ST6GALNAC3: variants seen among roughly 807,000 people sequenced by gnomAD.
ST6GALNAC3 encodes the protein ST6 N-acetylgalactosaminide alpha-2,6-sialyltransferase 3.
Under a neutral mutation model 32.7 loss-of-function variants are expected in ST6GALNAC3, and 25 were observed. The ratio of observed to expected loss-of-function variants is 0.76; its 90% CI spans 0.56 to 1.07. The LOEUF is 1.07. Among genes scored for constraint, ST6GALNAC3 ranks in the 50% least tolerant of loss-of-function variants. ST6GALNAC3 has a pLI of 0.00. For synonymous variants in ST6GALNAC3, 129 were observed against 133.1 expected (o/e 0.97, Z 0.21); for missense variants, 355 against 382.4 (o/e 0.93, Z 0.60).
At chr1:76,260,314 T>A (rs1041278461) in intron 1 of ST6GALNAC3, among the ~76,000 whole-genome samples, 1 of 152,244 alleles carries the variant, frequency 6.6e-6, no homozygotes, top group Non-Finnish European at 1.5e-5. Flanking sequence ...CTGGCAGCCT[T>A]AAGCGTATTC....
chr1:76,410,502 T>A (rs1654159203), intron 2 of ST6GALNAC3, among the ~76,000 whole-genome samples: 1 of 152,038 alleles, frequency 6.6e-6, no homozygotes, highest in Admixed American at 6.6e-5. Flanking sequence ...TTTTCTCGAT[T>A]TAGTACTTAG....
At chr1:76,566,358 C>A (rs1665555112) in intron 3 of ST6GALNAC3, among the ~76,000 whole-genome samples, 1 of 152,178 alleles carries the variant, frequency 6.6e-6, no homozygotes. Flanking sequence ...GTATTATCTA[C>A]ACTGCAATCA....
chr1:76,480,724 A>ATAAC (rs757089594), intron 3 of ST6GALNAC3, among the ~76,000 whole-genome samples: 3 of 152,160 alleles, frequency 2.0e-5, no homozygotes, highest in Non-Finnish European at 4.4e-5. Flanking sequence ...TATATCTTAA[A>ATAAC]TAACATATAT....
chr1:76,102,327 G>A (rs996130077), intron 1 of ST6GALNAC3, among the ~76,000 whole-genome samples: 2 of 151,436 alleles, frequency 1.3e-5, no homozygotes, highest in African/African-American at 4.9e-5. Flanking sequence ...TGTGTCTCTT[G>A]TATACAGCAT....
intron 1 of ST6GALNAC3, among the ~76,000 whole-genome samples, chr1:76,103,295 A>G (rs1024551370): frequency 6.6e-6 from 1 of 151,906 alleles, no homozygotes; most frequent in African/African-American, 2.4e-5. Flanking sequence ...GCTTTTCCCC[A>G]TTCAGTCTCT....
intron 3 of ST6GALNAC3, among the ~76,000 whole-genome samples, chr1:76,483,721 T>C (rs1340422066): frequency 1.3e-5 from 2 of 152,228 alleles, no homozygotes; most frequent in African/African-American, 4.8e-5. Context: ...AGCTCTTTAG[T>C]TTAATTAGAT....
chr1:76,120,761 G>A (rs1270259635), intron 1 of ST6GALNAC3, among the ~76,000 whole-genome samples: 1 of 152,188 alleles, frequency 6.6e-6, no homozygotes, highest in Non-Finnish European at 1.5e-5. Flanking sequence ...CTCTGTTTCA[G>A]TAAATGGCAT....
At chr1:76,538,521 G>T (rs778652401) in intron 3 of ST6GALNAC3, among the ~76,000 whole-genome samples, 15 of 152,212 alleles carry the variant, frequency 9.9e-5, no homozygotes, top group South Asian at 8.3e-4. Flanking sequence ...TCTGGCCAGG[G>T]CAATCAGGCA....
At chr1:76,586,813 G>C (rs540140048) in intron 3 of ST6GALNAC3, among the ~76,000 whole-genome samples, 10 of 152,188 alleles carry the variant, frequency 6.6e-5, no homozygotes, top group African/African-American at 9.7e-5. Context: ...GTAACTACAT[G>C]ATATAGAAAC....
At chr1:76,135,901 G>C (rs1374507108) in intron 1 of ST6GALNAC3, among the ~76,000 whole-genome samples, 1 of 152,202 alleles carries the variant, frequency 6.6e-6, no homozygotes, top group Non-Finnish European at 1.5e-5. Context: ...GAGCCCCACA[G>C]TCTTTTCTCT....
At chr1:76,367,977 G>C (rs1650511074) in intron 2 of ST6GALNAC3, among the ~76,000 whole-genome samples, 1 of 152,164 alleles carries the variant, frequency 6.6e-6, no homozygotes. Context: ...AAGCGAACCT[G>C]TGGTCTCACT....
intron 1 of ST6GALNAC3, among the ~76,000 whole-genome samples, chr1:76,284,182 A>G (rs1659652351): frequency 1.3e-5 from 2 of 152,252 alleles, no homozygotes; most frequent in African/African-American, 4.8e-5. Context: ...CTCTGACACC[A>G]GAAGGAAATT....
At chr1:76,570,914 T>C (rs527371815) in intron 3 of ST6GALNAC3, among the ~76,000 whole-genome samples, 2 of 152,176 alleles carry the variant, frequency 1.3e-5, no homozygotes, top group Admixed American at 1.3e-4. Flanking sequence ...ATTCCCAGCC[T>C]GCTGAGACTC....
At chr1:76,327,915 G>C (rs946046010) in intron 2 of ST6GALNAC3, among the ~76,000 whole-genome samples, 1 of 152,108 alleles carries the variant, frequency 6.6e-6, no homozygotes, top group Non-Finnish European at 1.5e-5. Flanking sequence ...CCAAATATTT[G>C]GGTACTATGA....
At chr1:76,131,969 A>G (rs1000407265) in intron 1 of ST6GALNAC3, among the ~76,000 whole-genome samples, 1 of 152,202 alleles carries the variant, frequency 6.6e-6, no homozygotes, top group African/African-American at 2.4e-5. Flanking sequence ...GGTCTTGCCC[A>G]TAAGTACATG....
chr1:76,260,957 CA>C (rs1380927554), intron 1 of ST6GALNAC3, among the ~76,000 whole-genome samples: 2 of 142,900 alleles, frequency 1.4e-5, no homozygotes, highest in Non-Finnish European at 3.0e-5. Context: ...TTATAGTGTA[CA>C]ATGTGAGGTT....
intron 3 of ST6GALNAC3, among the ~76,000 whole-genome samples, chr1:76,431,054 C>T (rs1268549683): frequency 6.6e-6 from 1 of 152,086 alleles, no homozygotes; most frequent in Admixed American, 6.6e-5. Flanking sequence ...AGACAGATTC[C>T]TGTGATGCAG....
chr1:76,487,514 G>A (rs201035936), intron 3 of ST6GALNAC3, among the ~76,000 whole-genome samples: 12 of 152,172 alleles, frequency 7.9e-5, no homozygotes, highest in East Asian at 5.8e-4. Context: ...CCAGTTGATC[G>A]AATCGGCTAC....
At chr1:76,283,468 A>G (rs1459280581) in intron 1 of ST6GALNAC3, among the ~76,000 whole-genome samples, 1 of 152,140 alleles carries the variant, frequency 6.6e-6, no homozygotes, top group Non-Finnish European at 1.5e-5. Flanking sequence ...TCAAGAGCCA[A>G]CCTGTGTTTT....
Sources: allele counts gnomAD v4.1 joint callset (sites outside exome capture counted in the v4.1 genomes callset), GRCh38; gene constraint gnomAD v4.1.1; transcripts MANE v1.5; gene names NCBI Gene and HGNC (gene_info 2026-07-23, HGNC 2026-07-21).